NELL2: variants seen among roughly 807,000 people sequenced by gnomAD.
NELL2 encodes the protein protein kinase C-binding protein NELL2.
In NELL2, 41 loss-of-function variants were observed where a neutral mutation model predicts 109.6. The ratio of observed to expected loss-of-function variants is 0.37; its 90% CI spans 0.29 to 0.49. NELL2 has a LOEUF of 0.49. NELL2 is among the 20% of genes least tolerant of loss of function. The pLI is 0.98. For missense variants in NELL2, 900 were observed against 1,008.3 expected (o/e 0.89, Z 1.45); for synonymous variants, 355 against 344.7 (o/e 1.03, Z -0.33).
chr12:44,677,217 T>C (rs781613066), intron 12 of NELL2, among the ~76,000 whole-genome samples: 1 of 152,178 alleles, frequency 6.6e-6, no homozygotes, highest in Non-Finnish European at 1.5e-5. Flanking sequence ...TCAATGCACC[T>C]AATGAAGTAC....
intron 16 of NELL2, among the ~76,000 whole-genome samples, chr12:44,530,306 G>C (rs1941984986): frequency 6.6e-6 from 1 of 152,170 alleles, no homozygotes; most frequent in Admixed American, 6.5e-5. Flanking sequence ...TAAAAAGAAA[G>C]GAAGCAGTAT....
intron 3 of NELL2, among the ~76,000 whole-genome samples, chr12:44,794,706 G>A (rs1402569118): frequency 6.6e-6 from 1 of 152,054 alleles, no homozygotes; most frequent in African/African-American, 2.4e-5. Flanking sequence ...TGACTACCGG[G>A]AAAATACATA....
upstream of NELL2, among the ~76,000 whole-genome samples, chr12:44,879,448 A>G (rs1199938711): frequency 6.6e-6 from 1 of 152,130 alleles, no homozygotes; most frequent in Non-Finnish European, 1.5e-5. Context: ...CCTACCATAT[A>G]CACATATCAA....
chr12:44,518,803 T>G (rs1036441874), intron 19 of NELL2, among the ~76,000 whole-genome samples: 1 of 152,222 alleles, frequency 6.6e-6, no homozygotes, highest in Non-Finnish European at 1.5e-5. Flanking sequence ...AGATATGCAC[T>G]ATTAAGTATA....
At chr12:44,686,612 T>A (rs1334066187) in intron 12 of NELL2, among the ~76,000 whole-genome samples, 1 of 151,522 alleles carries the variant, frequency 6.6e-6, no homozygotes, top group Non-Finnish European at 1.5e-5. Context: ...GTCCTTTCTG[T>A]TTGTTAGTTT....
intron 9 of NELL2, among the ~76,000 whole-genome samples, chr12:44,727,738 G>C (rs1732129776): frequency 6.6e-6 from 1 of 151,926 alleles, no homozygotes; most frequent in Non-Finnish European, 1.5e-5. Context: ...AAAAGTTTTT[G>C]ACAGCTATGC....
At chr12:44,888,453 C>A (rs1945499126) in intron 1 of NELL2, among the ~76,000 whole-genome samples, 1 of 138,070 alleles carries the variant, frequency 7.2e-6, no homozygotes, top group African/African-American at 2.7e-5. Flanking sequence ...AGAGAGAAGA[C>A]CCAAATAAAT....
rs768802452 is a variant in NELL2 at position 44,607,181 on chromosome 12, T to C, written c.1651A>G (p.Ser551Gly). The C allele has an allele frequency of 6.2e-6, 10 of 1,611,920 alleles. No homozygotes were observed. The highest frequency in any genetic ancestry group is 7.6e-6 in the Non-Finnish European group (9 of 1,178,830). ...CACPQGFTGP[S>G]CETDIDECSD... ...ATGATATTCTTACCCGTTTCACAGC[T>C]GGGTCCAGTGAAGCCTTGTGGGCAG... The change falls in exon 15 of 20, where the codon AGC becomes GGC. Residue 551 changes from serine (S) to glycine (G), a missense_variant. By Grantham distance (56) the Ser-to-Gly change is moderately conservative (BLOSUM62 0). This residue lies in a region of NELL2 where 333 missense variants were observed against 432.3 expected (regional missense o/e 0.77). Transcript: ENST00000429094.
At chr12:44,902,417 G>C (rs1167453693) in intron 1 of NELL2, among the ~76,000 whole-genome samples, 1 of 152,094 alleles carries the variant, frequency 6.6e-6, no homozygotes, top group African/African-American at 2.4e-5. Flanking sequence ...CAAACAAATG[G>C]AAAAATCATT....
intron 15 of NELL2, among the ~76,000 whole-genome samples, chr12:44,599,307 A>G (rs1247456769): frequency 1.3e-5 from 2 of 152,160 alleles, no homozygotes; most frequent in Non-Finnish European, 2.9e-5. Context: ...TGTAAATTTT[A>G]TAATATAATA....
chr12:44,683,567 A>T (rs1294257307), intron 12 of NELL2, among the ~76,000 whole-genome samples: 14 of 151,962 alleles, frequency 9.2e-5, no homozygotes, highest in African/African-American at 2.7e-4. Flanking sequence ...TGTCATAGAT[A>T]GCTCTTATTA....
At chr12:44,808,437 G>A (rs1486794415) in intron 3 of NELL2, among the ~76,000 whole-genome samples, 2 of 151,842 alleles carry the variant, frequency 1.3e-5, no homozygotes, top group African/African-American at 2.4e-5. Context: ...CTAATAATAA[G>A]GGAGGTATTA....
At chr12:44,854,299 A>G (rs1218702294) in intron 2 of NELL2, among the ~76,000 whole-genome samples, 2 of 152,222 alleles carry the variant, frequency 1.3e-5, no homozygotes, top group Non-Finnish European at 2.9e-5. Flanking sequence ...ACTACTATTA[A>G]GAATACATAT....
intron 9 of NELL2, among the ~76,000 whole-genome samples, chr12:44,764,203 T>C (rs1274279044): frequency 6.6e-6 from 1 of 152,220 alleles, no homozygotes; most frequent in Non-Finnish European, 1.5e-5. Context: ...ACCTTTTACA[T>C]AGATACTTTT....
At chr12:44,712,073 T>C (rs1016663656) in intron 10 of NELL2, among the ~76,000 whole-genome samples, 1 of 152,194 alleles carries the variant, frequency 6.6e-6, no homozygotes, top group South Asian at 2.1e-4. Context: ...AATTGAAGTA[T>C]TCTTGCCTTA....
intron 1 of NELL2, among the ~76,000 whole-genome samples, chr12:44,886,852 A>T (rs544165132): frequency 6.0e-4 from 91 of 152,060 alleles, no homozygotes; most frequent in Non-Finnish European, 9.4e-4. Context: ...GCAACAATAT[A>T]ATCTCTGTCT....
intron 3 of NELL2, among the ~76,000 whole-genome samples, chr12:44,800,981 G>A (rs952874313): frequency 1.1e-4 from 17 of 152,118 alleles, no homozygotes; most frequent in African/African-American, 4.1e-4. Context: ...AAGGAAGAAG[G>A]CAACAGGATT....
At chr12:44,734,369 T>C (rs1339596065) in intron 9 of NELL2, among the ~76,000 whole-genome samples, 1 of 152,008 alleles carries the variant, frequency 6.6e-6, no homozygotes, top group African/African-American at 2.4e-5. Context: ...TAAATGGGTA[T>C]CTTTTAAACA....
intron 1 of NELL2, among the ~76,000 whole-genome samples, chr12:44,906,356 A>C (rs973353195): frequency 1.3e-5 from 2 of 152,134 alleles, no homozygotes; most frequent in African/African-American, 4.8e-5. Context: ...GTGAAATGAA[A>C]TGTCACAGAA....
Sources: gnomAD v4.1 joint callset for allele counts (sites outside exome capture counted in the v4.1 genomes callset) on GRCh38, gnomAD v4.1.1 for gene constraint, gnomAD v4.1.1 regional missense constraint, MANE v1.5 for transcripts, NCBI Gene and HGNC (gene_info 2026-07-23, HGNC 2026-07-21) for gene names.